Variants in CYP4F3 observed in about 807,000 individuals in gnomAD.
The protein encoded by CYP4F3 is cytochrome P450 family 4 subfamily F member 3.
CYP4F3 carries 50 observed loss-of-function variants against 54.8 expected under a neutral mutation model. That is an observed-to-expected ratio of 0.91 (90% CI 0.73 to 1.16). The LOEUF is 1.16. Ranked by LOEUF, CYP4F3 falls within the 50% of genes most tolerant of loss-of-function variation. The probability of loss-of-function intolerance (pLI) is 0.00; values close to 1 mark genes in which losing one functional copy is unlikely to be tolerated. For missense variants in CYP4F3, 715 were observed against 676.2 expected (o/e 1.06, Z -0.64); for synonymous variants, 244 against 262.6 (o/e 0.93, Z 0.69).
At position 15,662,260 on chromosome 19, in the gene CYP4F3, G is replaced by T. The variant is rs1973195715; in HGVS notation, c.*2875G>T. ...CACTCCAGCCTGGGTGAAAGAGCTA[G>T]ATTCTCTCTCTCAAAAAAAAAAAAA... On this transcript the variant is annotated 3_prime_UTR_variant, in exon 13 of 13. Coordinates refer to ENST00000221307, the MANE Select transcript of CYP4F3 (RefSeq NM_000896.3). 3.6e-5 allele frequency: 2 copies of T among 55,008 alleles called. No individual in the cohort carries two copies. The highest frequency in any genetic ancestry group is 2.8e-5 in the Non-Finnish European group (1 of 36,128). The allele number at this position is 55,008 out of a possible 1,614,324, so 3.4% of individuals were successfully genotyped here. A position where few individuals can be genotyped will look rare whatever the true frequency, so the allele number is the denominator to read the frequency against.
Position 15,650,662 on chromosome 19 carries a change from T to TTC in CYP4F3, c.918+481_918+482dup, listed in dbSNP as rs1352235527. On this transcript the variant is annotated intron_variant, in intron 7 of 12. Coordinates refer to ENST00000221307, the MANE Select transcript of CYP4F3 (RefSeq NM_000896.3). ...CTCTCCCTCCCTCCCTGCCTTCTTT[T>TTC]TCTTTCTTTCTTTCTTTCTTTCTTT... is the stretch of plus-strand genomic sequence containing the variant. Among the ~76,000 whole-genome samples, 10 of 16,044 alleles carry TTC rather than the reference T, an allele frequency of 6.2e-4. 2 individuals are homozygous for TTC. Among genetic ancestry groups the TTC allele is most frequent in the African/African-American group, 3.8e-3 (10 of 2,606 alleles). The allele number at this position is 16,044 out of a possible 152,430, so 10.5% of individuals were successfully genotyped here.
In CYP4F3 at chr19:15,645,777, A is replaced by T; in HGVS notation, c.257A>T (p.Asp86Val). 6.2e-7 allele frequency: 1 copy of T among 1,614,118 alleles called. No homozygotes were observed. Among genetic ancestry groups the T allele is most frequent in the South Asian group, 1.1e-5 (1 of 91,084 alleles). ...CAAAGCCTGGCATGCACCTTCGGTG[A>T]TATGTGCTGCTGGTGGGTGGGGCCC... is the stretch of plus-strand genomic sequence containing the variant. ...YTQSLACTFG[D>V]MCCWWVGPWH... Residue 86 changes from aspartate (D) to valine (V), a missense_variant, in exon 3 of 13, where the codon GAT (aspartate) becomes GTT (valine). By Grantham distance (152) the Asp-to-Val change is radical. Coordinates refer to ENST00000221307, the MANE Select transcript of CYP4F3 (RefSeq NM_000896.3).
rs1319002955 is a variant in CYP4F3 at position 15,645,601 on chromosome 19, G to C, written c.199-118G>C. ...AAGCCCAGTGGGGGCTCAGCACTGA[G>C]AGGGAGATGAGATGCTGCTTGAAAT... On this transcript the variant is annotated intron_variant, in intron 2 of 12. Coordinates refer to ENST00000221307, the MANE Select transcript of CYP4F3 (RefSeq NM_000896.3). 6 of 1,369,760 alleles carry C rather than the reference G, an allele frequency of 4.4e-6. No individual in the cohort carries two copies. The African/African-American group carries it at 5.8e-5, about 13-fold the overall frequency. 84.9% of individuals were successfully genotyped at this position (1,369,760 alleles called of 1,614,324 possible). A position where few individuals can be genotyped will look rare whatever the true frequency, so the allele number is the denominator to read the frequency against.
chr19:15,651,076 A>G (rs1293058480), intron 7 of CYP4F3, among the ~76,000 whole-genome samples: 3 of 151,642 alleles, frequency 2.0e-5, no homozygotes, highest in East Asian at 2.0e-4. Flanking sequence ...AGGTTTCACC[A>G]TGTTGGCCAG....
At chr19:15,657,288 A>G (rs1302052710) in intron 9 of CYP4F3, among the ~76,000 whole-genome samples, 3 of 152,138 alleles carry the variant, frequency 2.0e-5, no homozygotes, top group Non-Finnish European at 4.4e-5. Flanking sequence ...ATCAAAGACC[A>G]TTTGCACTGT....
At position 15,658,331 on chromosome 19, in the gene CYP4F3, G is replaced by A. The variant is rs754284568; in HGVS notation, c.1183G>A (p.Val395Ile). 2.4e-5 allele frequency: 39 copies of A among 1,613,998 alleles called. No individual in the cohort carries two copies. Among genetic ancestry groups the A allele is most frequent in the Non-Finnish European group, 3.3e-5 (39 of 1,180,024 alleles). ...GGAGAGCCTGAGGCTGCATCCCCCA[G>A]TCCCTGCCGTCTCTCGCTGCTGCAC... is the stretch of plus-strand genomic sequence containing the variant. The part of the protein sequence containing the change: ...IKESLRLHPP[V>I]PAVSRCCTQD... The change falls in exon 10 of 13, where the codon GTC becomes ATC. Residue 395 changes from valine to isoleucine, a missense_variant. By Grantham distance (29) the Val-to-Ile change is conservative. Transcript: ENST00000221307.
chr19:15,648,221 G>A lies in CYP4F3; in HGVS notation c.525+897G>A, dbSNP rs142305181. ...AAGAAACTCCTGGGTCAGAGACAAA[G>A]GATAGTTTTACTACTCATGACACAG... On this transcript the variant is annotated intron_variant, in intron 5 of 12. Coordinates refer to ENST00000221307, the MANE Select transcript of CYP4F3 (RefSeq NM_000896.3). Among the ~76,000 whole-genome samples, 155 of 152,096 alleles carry A rather than the reference G, an allele frequency of 1.0e-3. 1 individual carries two copies. Among genetic ancestry groups the A allele is most frequent in the African/African-American group, 3.6e-3 (148 of 41,474 alleles).
intron 3 of CYP4F3, among the ~76,000 whole-genome samples, chr19:15,646,671 C>T (rs1435996652): frequency 1.3e-5 from 2 of 152,122 alleles, no homozygotes; most frequent in Non-Finnish European, 1.5e-5. Context: ...TCAGAAGATG[C>T]CATGTGAGAA....
chr19:15,658,203 G>A lies in CYP4F3; in HGVS notation c.1116-61G>A, dbSNP rs944157262. The A allele has an allele frequency of 5.0e-6, 8 of 1,584,658 alleles. No homozygotes were observed. In the Admixed American group the frequency reaches 1.6e-4, roughly 32 times the overall value. On this transcript the variant is annotated intron_variant, in intron 9 of 12. Transcript: ENST00000221307. Reference sequence around the variant, plus strand: ...AAAAGGTCTCACTTGCAAACAGAGAGAAGCTGGAGAGTTGTGTCTTTGCTC... The same window carrying A: ...AAAAGGTCTCACTTGCAAACAGAGAAAAGCTGGAGAGTTGTGTCTTTGCTC...
At chr19:15,641,140 G>A (rs919483399) in intron 1 of CYP4F3, among the ~76,000 whole-genome samples, 195 bp downstream of exon 1, 2 of 152,180 alleles carry the variant, frequency 1.3e-5, no homozygotes, top group African/African-American at 2.4e-5. Flanking sequence ...CCCTGGCAAC[G>A]TCCTAATGAT....
chr19:15,643,401 GGTAA>G (rs199756359), intron 2 of CYP4F3, among the ~76,000 whole-genome samples: 14 of 96,636 alleles, frequency 1.4e-4, no homozygotes, highest in African/African-American at 4.2e-4. Context: ...GATATATATA[GGTAA>G]ATAGATAGAT....
intron 2 of CYP4F3, among the ~76,000 whole-genome samples, chr19:15,643,697 G>A (rs866822818): frequency 1.3e-5 from 2 of 152,134 alleles, no homozygotes; most frequent in Admixed American, 1.3e-4. Flanking sequence ...CTGCATTTTT[G>A]TGCTACCTGG....
intron 7 of CYP4F3, among the ~76,000 whole-genome samples, chr19:15,651,344 T>C (rs1972849388): frequency 7.4e-6 from 1 of 134,958 alleles, no homozygotes; most frequent in South Asian, 2.6e-4. Flanking sequence ...TGATTATGTC[T>C]ATGTCAATGC....
intron 5 of CYP4F3, among the ~76,000 whole-genome samples, chr19:15,647,563 C>A (rs570267645): frequency 6.6e-6 from 1 of 152,140 alleles, no homozygotes; most frequent in Non-Finnish European, 1.5e-5. Context: ...TCGCGTCACC[C>A]GAACCCTGTA....
chr19:15,646,061 T>C (rs187916522), intron 3 of CYP4F3, among the ~76,000 whole-genome samples, 198 bp downstream of exon 3: 4 of 152,320 alleles, frequency 2.6e-5, no homozygotes, highest in Admixed American at 2.6e-4. Flanking sequence ...GTCTGGGAAG[T>C]GTCTCTATGG....
Position 15,647,180 on chromosome 19 carries a change from C to T in CYP4F3, c.398-17C>T, listed in dbSNP as rs766190030. On this transcript the variant is annotated splice_polypyrimidine_tract_variant and intron_variant, in intron 4 of 12. Transcript: ENST00000221307. ...GAGGGAGATGCCCTTGCCCATGGCCCTTGGCTGCCCTGCCAGGGGATGGGC... is the reference window on the plus strand; with the variant it reads ...GAGGGAGATGCCCTTGCCCATGGCCTTTGGCTGCCCTGCCAGGGGATGGGC... 11 of 1,614,220 alleles carry T rather than the reference C, an allele frequency of 6.8e-6. No homozygotes were observed. Among genetic ancestry groups the T allele is most frequent in the Non-Finnish European group, 9.3e-6 (11 of 1,180,032 alleles).
At chr19:15,644,892 G>A (rs1198528593) in intron 2 of CYP4F3, among the ~76,000 whole-genome samples, 1 of 152,150 alleles carries the variant, frequency 6.6e-6, no homozygotes, top group African/African-American at 2.4e-5. Flanking sequence ...AGCTGTCTCT[G>A]GTTACTGAGG....
At chr19:15,658,836 G>C (rs1322252283) in intron 12 of CYP4F3, 27 bp downstream of exon 12, 1 of 1,612,784 alleles carries the variant, frequency 6.2e-7, no homozygotes, top group Non-Finnish European at 8.5e-7. Context: ...TTTGAGGCGG[G>C]GACGGGGAGA....
intron 9 of CYP4F3, among the ~76,000 whole-genome samples, chr19:15,654,442 T>C (rs1052096535): frequency 6.6e-6 from 1 of 152,238 alleles, no homozygotes; most frequent in Non-Finnish European, 1.5e-5. Flanking sequence ...TAAACTACAG[T>C]GAACCTACTG....
Sources: gnomAD v4.1 joint callset for allele counts (sites outside exome capture counted in the v4.1 genomes callset) on GRCh38, gnomAD v4.1.1 for gene constraint, MANE v1.5 for transcripts, NCBI Gene and HGNC (gene_info 2026-07-23, HGNC 2026-07-21) for gene names.